Variants in DNAAF9 observed in about 807,000 individuals in gnomAD.
DNAAF9 encodes the protein dynein axonemal assembly factor 9.
In DNAAF9, 90 loss-of-function variants were observed where a neutral mutation model predicts 167.0. The observed-to-expected ratio is 0.54, with a 90% CI of 0.45 to 0.64. The LOEUF is 0.64. DNAAF9 is among the 30% of genes least tolerant of loss of function. DNAAF9 has a pLI of 0.00. For missense variants in DNAAF9, 1,315 were observed against 1,442.2 expected, an observed-to-expected ratio of 0.91 and a Z score of 1.43; for synonymous variants, 491 against 508.8, an observed-to-expected ratio of 0.96 and a Z score of 0.47.
intron 27 of DNAAF9, among the ~76,000 whole-genome samples, chr20:3,284,748 T>G (rs2068822270): frequency 6.6e-6 from 1 of 152,240 alleles, no homozygotes; most frequent in Non-Finnish European, 1.5e-5. Flanking sequence ...TTGTTTTTAA[T>G]GCAGATAATT....
chr20:3,350,745 T>C (rs1455303371), intron 7 of DNAAF9, among the ~76,000 whole-genome samples: 1 of 152,158 alleles, frequency 6.6e-6, no homozygotes, highest in Non-Finnish European at 1.5e-5. Flanking sequence ...TCTGTTAAAA[T>C]AAGATTCTGT....
chr20:3,255,093 G>A, intron 35 of DNAAF9, 126 bp downstream of exon 35: 1 of 630,628 alleles, frequency 1.6e-6, no homozygotes, highest in Non-Finnish European at 2.9e-6. Flanking sequence ...TCTGTGGCCT[G>A]GGAGAAGCAA....
At chr20:3,343,539 A>T (rs2070128241) in intron 9 of DNAAF9, 137 bp downstream of exon 9, 1 of 663,410 alleles carries the variant, frequency 1.5e-6, no homozygotes, top group African/African-American at 1.8e-5. Flanking sequence ...CAGATTTCTT[A>T]CCCTGTGATA....
intron 29 of DNAAF9, among the ~76,000 whole-genome samples, chr20:3,272,852 C>T (rs934116294): frequency 5.3e-5 from 8 of 152,118 alleles, no homozygotes; most frequent in Admixed American, 2.0e-4. Flanking sequence ...GATGGAGTTT[C>T]GCTCTTGTTG....
At chr20:3,299,005 T>C (rs2069134959) in intron 21 of DNAAF9, among the ~76,000 whole-genome samples, 1 of 147,974 alleles carries the variant, frequency 6.8e-6, no homozygotes, top group Non-Finnish European at 1.5e-5. Flanking sequence ...GCCTCCTGGG[T>C]TCAAGCGATT....
At chr20:3,389,769 C>G (rs2083800179) in intron 1 of DNAAF9, among the ~76,000 whole-genome samples, 1 of 152,088 alleles carries the variant, frequency 6.6e-6, no homozygotes, top group South Asian at 2.1e-4. Flanking sequence ...GGCATGGTGG[C>G]TCATGCCTGT....
rs2069507960 is a variant in DNAAF9, at chr20:3,316,787, G to A, written c.1475C>T (p.Thr492Ile). The A allele has an allele frequency of 6.2e-7, 1 of 1,611,876 alleles. No individual in the cohort carries two copies. Among genetic ancestry groups the A allele is most frequent in the Non-Finnish European group, 8.5e-7 (1 of 1,178,438 alleles). ...TACGGAGCTGGTTTCTGTGGTAACAGTGCCATCTGCAGGAACACCACACAC... is the reference window on the plus strand; with the variant it reads ...TACGGAGCTGGTTTCTGTGGTAACAATGCCATCTGCAGGAACACCACACAC... ...SQILVKEKDG[T>I]VTTETSSVVL... Residue 492 changes from threonine to isoleucine, a missense_variant, in exon 18 of 37, where the codon ACT (threonine) becomes ATT (isoleucine). Thr to Ile is a moderately conservative substitution (Grantham distance 89, BLOSUM62 -1). Around this residue, in one of 2 missense-constraint regions of DNAAF9, gnomAD observed 981 missense variants for 1,012.5 expected, o/e 0.97. Coordinates refer to ENST00000252032, the MANE Select transcript of DNAAF9 (RefSeq NM_001009984.3).
chr20:3,332,169 T>C lies in DNAAF9; in HGVS notation c.1063+111A>G, dbSNP rs564486405. 56 of 636,142 alleles carry C rather than the reference T, an allele frequency of 8.8e-5. 1 individual carries two copies. The African/African-American group carries it at 9.2e-4, about 10-fold the overall frequency. 39.4% of individuals were successfully genotyped at this position (636,142 alleles called of 1,614,324 possible). A position where few individuals can be genotyped will look rare whatever the true frequency, so the allele number is the denominator to read the frequency against. ...AGAGAGGGAGCTGGAGGCCCACAAA[T>C]TGGGTAACCTGAGCTTCCAAGCAAA... On this transcript the variant is annotated intron_variant, in intron 11 of 36. Transcript: ENST00000252032.
chr20:3,361,526 G>C (rs899515666), intron 6 of DNAAF9, among the ~76,000 whole-genome samples: 2 of 152,134 alleles, frequency 1.3e-5, no homozygotes, highest in Admixed American at 1.3e-4. Flanking sequence ...GAGACCCCAG[G>C]CCGTGTAATC....
rs150502228 is a variant in DNAAF9 at position 3,361,755 on chromosome 20, G to A, written c.613-2162C>T. ...TACAGTATCTTAACTTCCTTTGAAT[G>A]GGAGCTTCCTTTCCAGTACTCTGAG... On this transcript the variant is annotated intron_variant, in intron 6 of 36. Coordinates refer to ENST00000252032, the MANE Select transcript of DNAAF9 (RefSeq NM_001009984.3). 4.9e-5 allele frequency: 43 copies of A among 885,992 alleles called. 1 individual carries two copies. The African/African-American group carries it at 6.2e-4, about 13-fold the overall frequency. The allele number at this position is 885,992 out of a possible 1,614,324, so 54.9% of individuals were successfully genotyped here.
chr20:3,264,359 C>G, intron 31 of DNAAF9, 79 bp downstream of exon 31: 1 of 729,904 alleles, frequency 1.4e-6, no homozygotes, highest in South Asian at 1.6e-5. Flanking sequence ...TTCACCTTCT[C>G]TCTTTTTTTT....
At chr20:3,254,154 C>T (rs1487368963) in intron 35 of DNAAF9, among the ~76,000 whole-genome samples, 1 of 152,214 alleles carries the variant, frequency 6.6e-6, no homozygotes, top group Admixed American at 6.5e-5. Flanking sequence ...TCTTGGCTCA[C>T]TGCAACCTCC....
chr20:3,296,762 AG>A, intron 23 of DNAAF9, 98 bp downstream of exon 23: 1 of 761,674 alleles, frequency 1.3e-6, no homozygotes, highest in Non-Finnish European at 2.3e-6. Flanking sequence ...CCCTTTCAGA[AG>A]CCAAGACCCC....
At position 3,375,496 on chromosome 20, in the gene DNAAF9, A is replaced by G. The variant is rs922441534; in HGVS notation, c.409-370T>C. Among the ~76,000 whole-genome samples the G allele has an allele frequency of 2.0e-5, 3 of 152,126 alleles. No homozygotes were observed. In the South Asian group the frequency reaches 6.2e-4, roughly 32 times the overall value. ...ACTTGATTTCCAGTCAAACCCCTGAAAAGGGCCCAAAGGGAAAGAAAAACA... is the reference window on the plus strand; with the variant it reads ...ACTTGATTTCCAGTCAAACCCCTGAGAAGGGCCCAAAGGGAAAGAAAAACA... On this transcript the variant is annotated intron_variant, in intron 4 of 36. Transcript: ENST00000252032.
intron 30 of DNAAF9, among the ~76,000 whole-genome samples, chr20:3,269,130 A>G (rs1047528545): frequency 1.3e-5 from 2 of 150,974 alleles, no homozygotes; most frequent in Non-Finnish European, 3.0e-5. Context: ...GATGGTCTCA[A>G]TCTCCTGACC....
intron 7 of DNAAF9, among the ~76,000 whole-genome samples, chr20:3,351,604 C>T (rs867404140): frequency 2.0e-5 from 3 of 152,070 alleles, no homozygotes; most frequent in East Asian, 1.9e-4. Context: ...TAAAAGAAAC[C>T]GAAAACACAC....
At chr20:3,287,427 C>T (rs1192267379) in intron 27 of DNAAF9, among the ~76,000 whole-genome samples, 2 of 152,232 alleles carry the variant, frequency 1.3e-5, no homozygotes, top group Non-Finnish European at 2.9e-5. Flanking sequence ...TAAATCCAAA[C>T]TTAAAACTTG....
chr20:3,392,829 T>C (rs575769014), intron 1 of DNAAF9, among the ~76,000 whole-genome samples: 1 of 152,344 alleles, frequency 6.6e-6, no homozygotes, highest in South Asian at 2.1e-4. Context: ...AAAATACTAA[T>C]ATATTCTTCT....
chr20:3,324,977 T>C lies in DNAAF9; in HGVS notation c.1189-9A>G. 6.5e-7 allele frequency: 1 copy of C among 1,537,470 alleles called. No homozygotes were observed. The highest frequency in any genetic ancestry group is 9.0e-7 in the Non-Finnish European group (1 of 1,110,046). The stretch of plus-strand genomic sequence containing the variant: ...TCTGCTACCTCCTTGGCCTGTAAAA[T>C]AATAAGACAGCGACAATTAGCTTTC... On this transcript the variant is annotated splice_polypyrimidine_tract_variant and intron_variant, in intron 13 of 36. Coordinates refer to ENST00000252032, the MANE Select transcript of DNAAF9 (RefSeq NM_001009984.3).
Sources: gnomAD v4.1 joint callset for allele counts (sites outside exome capture counted in the v4.1 genomes callset) on GRCh38, gnomAD v4.1.1 for gene constraint, gnomAD v4.1.1 regional missense constraint, MANE v1.5 for transcripts, NCBI Gene and HGNC (gene_info 2026-07-23, HGNC 2026-07-21) for gene names.